SGSM2: variants seen among roughly 807,000 people sequenced by gnomAD.
The protein encoded by SGSM2 is RUN and TBC1 domain containing 1.
A neutral mutation model predicts 126.6 loss-of-function variants in SGSM2; 89 were observed. That is an observed-to-expected ratio of 0.70 (90% CI 0.59 to 0.84). The LOEUF (loss-of-function observed/expected upper bound fraction) is 0.84. Ranked by LOEUF, SGSM2 falls within the 40% of genes least tolerant of loss-of-function variation. SGSM2 has a pLI of 0.00. For synonymous variants in SGSM2, 614 were observed against 574.3 expected (o/e 1.07, Z -0.99); for missense variants, 1,404 against 1,416.6 (o/e 0.99, Z 0.14).
At position 2,373,030 on chromosome 17, in the gene SGSM2, C is replaced by G. The variant is rs1291161115; in HGVS notation, c.1866C>G (p.Pro622=). 3.1e-6 allele frequency: 5 copies of G among 1,607,044 alleles called. No individual in the cohort carries two copies. Among genetic ancestry groups the G allele is most frequent in the Non-Finnish European group, 4.2e-6 (5 of 1,177,122 alleles). ...IEHEIRKDVW[P]FLLGHYKFGM... ...ACGAGATCCGCAAGGACGTCTGGCCCTTTCTGCTTGGCCACTACAAGTTCG... is the reference window on the plus strand; with the variant it reads ...ACGAGATCCGCAAGGACGTCTGGCCGTTTCTGCTTGGCCACTACAAGTTCG... The change falls in exon 16 of 24, where the codon CCC becomes CCG. Residue 622 remains proline (P), a synonymous_variant. Coordinates refer to ENST00000268989, the MANE Select transcript of SGSM2 (RefSeq NM_014853.3).
chr17:2,339,842 C>A (rs61576608), intron 1 of SGSM2, among the ~76,000 whole-genome samples: 70,301 of 151,840 alleles, frequency 0.46, 17,110 homozygotes, highest in East Asian at 0.67. Context: ...TCAGCTTTCC[C>A]GCTTGTGGGA....
chr17:2,372,000 C>A, intron 13 of SGSM2, 190 bp from the exon 14 acceptor site: 1 of 633,668 alleles, frequency 1.6e-6, no homozygotes, highest in East Asian at 2.9e-5. Context: ...CAGGCGGGGG[C>A]CCCACAGCAC....
intron 2 of SGSM2, among the ~76,000 whole-genome samples, chr17:2,357,750 G>A (rs1305064033): frequency 1.3e-5 from 2 of 152,146 alleles, no homozygotes; most frequent in East Asian, 1.9e-4. Context: ...CGCCCACCTC[G>A]CCTCCCAAAG....
chr17:2,363,110 C>T lies in SGSM2; in HGVS notation c.648C>T (p.Ser216=), dbSNP rs745379045. 4 of 1,609,316 alleles carry T rather than the reference C, an allele frequency of 2.5e-6. No homozygotes were observed. In the South Asian group the frequency reaches 4.4e-5, roughly 18 times the overall value. Residue 216 remains serine, a synonymous_variant, in exon 6 of 24, where the codon TCC becomes TCT. Transcript: ENST00000268989. The surrounding 1 kb of genome is among the most constrained non-coding windows in gnomAD (Gnocchi z 4.2). The part of the protein sequence containing the change: ...RIRGPPTRQD[S]PAKRPALGIR... ...GGGGTCCACCTACTCGCCAGGACTC[C>T]CCTGCAAAGCGCCCAGCCCTGGGGG...
Position 2,379,908 on chromosome 17 carries a change from G to A in SGSM2, c.*388G>A. 7.7e-7 allele frequency: 1 copy of A among 1,299,142 alleles called. No homozygotes were observed. The highest frequency in any genetic ancestry group is 9.8e-7 in the Non-Finnish European group (1 of 1,018,890). 80.5% of individuals were successfully genotyped at this position (1,299,142 alleles called of 1,614,324 possible). A position where few individuals can be genotyped will look rare whatever the true frequency, so the allele number is the denominator to read the frequency against. On this transcript the variant is annotated 3_prime_UTR_variant, in exon 24 of 24. Transcript: ENST00000268989. ...GCGGCCTGGGCCCTACTCAGCTGGG[G>A]TGGCAGAGGGCGAGAGGCTCTGTGC...
chr17:2,363,524 CGA>C lies in SGSM2; in HGVS notation c.734_735del (p.Glu245ValfsTer188). ...AGGACAGGCTGGCTGCCTGTGCCCG[CGA>C]GTGTGTGGAGTCCCTGCACCAGAAC... ...SEDRLAACAR[E>X]CVESLHQNSR... On this transcript the variant is annotated frameshift_variant, in exon 7 of 24. Coordinates refer to ENST00000268989, the MANE Select transcript of SGSM2 (RefSeq NM_014853.3). LOFTEE classifies it high-confidence loss of function. The surrounding 1 kb of genome is among the most constrained non-coding windows in gnomAD (Gnocchi z 4.2). 6.2e-7 allele frequency: 1 copy of C among 1,613,430 alleles called. No individual in the cohort carries two copies. Among genetic ancestry groups the C allele is most frequent in the Non-Finnish European group, 8.5e-7 (1 of 1,179,976 alleles).
At position 2,372,089 on chromosome 17, in the gene SGSM2, A is replaced by G. The variant is rs911134465; in HGVS notation, c.1578-101A>G. On this transcript the variant is annotated intron_variant, in intron 13 of 23. Transcript: ENST00000268989. The surrounding 1 kb of genome is among the most constrained non-coding windows in gnomAD (Gnocchi z 6.0). ...GGCTCCTCCTCCTCGCACCCTCCCC[A>G]GTGCCTTACCTGCCCCCCAGGACAG... The G allele has an allele frequency of 4.4e-6, 6 of 1,373,600 alleles. No homozygotes were observed. The African/African-American group carries it at 7.1e-5, about 16-fold the overall frequency. 85.1% of individuals were successfully genotyped at this position (1,373,600 alleles called of 1,614,324 possible). A position where few individuals can be genotyped will look rare whatever the true frequency, so the allele number is the denominator to read the frequency against.
chr17:2,380,002 C>A lies in SGSM2; in HGVS notation c.*482C>A. 1.4e-6 allele frequency: 2 copies of A among 1,389,934 alleles called. No individual in the cohort carries two copies. Among genetic ancestry groups the A allele is most frequent in the South Asian group, 3.3e-5 (2 of 60,718 alleles). 86.1% of individuals were successfully genotyped at this position (1,389,934 alleles called of 1,614,324 possible). A position where few individuals can be genotyped will look rare whatever the true frequency, so the allele number is the denominator to read the frequency against. Reference sequence around the variant, plus strand: ...CGTGCACCAGCCCCAGCTGGAGCAACCAAAACTGCTTCTGGTTTAGGCACA... The same window carrying A: ...CGTGCACCAGCCCCAGCTGGAGCAAACAAAACTGCTTCTGGTTTAGGCACA... On this transcript the variant is annotated 3_prime_UTR_variant, in exon 24 of 24. Coordinates refer to ENST00000268989, the MANE Select transcript of SGSM2 (RefSeq NM_014853.3).
Position 2,367,431 on chromosome 17 carries a change from C to A in SGSM2, c.1423+26C>A. Reference sequence around the variant, plus strand: ...GTTCTTATCCCTCCCTCTCCCTGACCCACCTCATCCCCACCCTCCCTCCCG... The same window carrying A: ...GTTCTTATCCCTCCCTCTCCCTGACACACCTCATCCCCACCCTCCCTCCCG... On this transcript the variant is annotated intron_variant, in intron 12 of 23. Coordinates refer to ENST00000268989, the MANE Select transcript of SGSM2 (RefSeq NM_014853.3). The surrounding 1 kb of genome is among the most constrained non-coding windows in gnomAD (Gnocchi z 4.0). 2.5e-6 allele frequency: 4 copies of A among 1,604,050 alleles called. No homozygotes were observed. Among genetic ancestry groups the A allele is most frequent in the Non-Finnish European group, 3.4e-6 (4 of 1,173,792 alleles).
In SGSM2 at chr17:2,362,222, T is replaced by C. The variant is rs1027817950; in HGVS notation, c.410T>C (p.Ile137Thr). ...LKHVWVRTALIEKVLDKVVQY... is the reference protein window; with the variant it reads ...LKHVWVRTALTEKVLDKVVQY... Reference sequence around the variant, plus strand: ...CACGTATGGGTACGCACGGCGCTCATCGAGAAAGTTCTGGACAAGGTCGTG... The same window carrying C: ...CACGTATGGGTACGCACGGCGCTCACCGAGAAAGTTCTGGACAAGGTCGTG... The change falls in exon 4 of 24, where the codon ATC becomes ACC. Residue 137 changes from isoleucine to threonine, a missense_variant. By Grantham distance (89) the Ile-to-Thr change is moderately conservative. Coordinates refer to ENST00000268989, the MANE Select transcript of SGSM2 (RefSeq NM_014853.3). This position sits in a 1 kb window ranked among gnomAD's most constrained non-coding sequence, Gnocchi z 4.9. 1.9e-6 allele frequency: 3 copies of C among 1,612,718 alleles called. No homozygotes were observed. In the African/African-American group the frequency reaches 4.0e-5, roughly 22 times the overall value.
At position 2,380,101 on chromosome 17, in the gene SGSM2, A is replaced by G. The variant is rs2066348999; in HGVS notation, c.*581A>G. 2.2e-6 allele frequency: 3 copies of G among 1,392,270 alleles called. No individual in the cohort carries two copies. Among genetic ancestry groups the G allele is most frequent in the Admixed American group, 6.4e-5 (2 of 31,472 alleles). 86.2% of individuals were successfully genotyped at this position (1,392,270 alleles called of 1,614,324 possible). ...GGCCGCTCCCCCGAGATTCTGGGGCAGTCGGAAGATGTGGGCCCTGGGTGG... is the reference window on the plus strand; with the variant it reads ...GGCCGCTCCCCCGAGATTCTGGGGCGGTCGGAAGATGTGGGCCCTGGGTGG... On this transcript the variant is annotated 3_prime_UTR_variant, in exon 24 of 24. Coordinates refer to ENST00000268989, the MANE Select transcript of SGSM2 (RefSeq NM_014853.3).
chr17:2,373,370 G>A lies in SGSM2; in HGVS notation c.1957G>A (p.Ala653Thr), dbSNP rs1341383912. Reference protein sequence around the residue: ...VVAARYQQVLAEWKACEVVVR... With the variant: ...VVAARYQQVLTEWKACEVVVR... ...GGCAGCAAGGTACCAGCAGGTGTTG[G>A]CAGAGTGGAAGGCCTGCGAGGTGGT... Residue 653 changes from alanine to threonine, a missense_variant, in exon 17 of 24, where the codon GCA (alanine) becomes ACA (threonine). Transcript: ENST00000268989. 4 of 1,612,958 alleles carry A rather than the reference G, an allele frequency of 2.5e-6. No individual in the cohort carries two copies. The highest frequency in any genetic ancestry group is 2.2e-5 in the East Asian group (1 of 44,840).
intron 2 of SGSM2, among the ~76,000 whole-genome samples, chr17:2,346,246 C>T (rs145022496): frequency 1.6e-3 from 249 of 152,228 alleles, no homozygotes; most frequent in African/African-American, 5.6e-3. Flanking sequence ...ACCAGCCTAG[C>T]GACACCACGG....
At chr17:2,338,025 G>A in intron 1 of SGSM2, among the ~76,000 whole-genome samples, 1 of 152,134 alleles carries the variant, frequency 6.6e-6, no homozygotes, top group East Asian at 1.9e-4. Flanking sequence ...AAGGCCGGGG[G>A]AGGGGTGGCG....
At chr17:2,377,799 G>A (rs572915127) in intron 21 of SGSM2, 58 bp from the exon 22 acceptor site, 26 of 1,152,768 alleles carry the variant, frequency 2.3e-5, no homozygotes, top group Middle Eastern at 4.3e-4. Flanking sequence ...GGTGAGTGGC[G>A]GCCAGAGGCA....
chr17:2,338,193 C>T (rs1290757805), intron 1 of SGSM2, among the ~76,000 whole-genome samples: 1 of 152,148 alleles, frequency 6.6e-6, no homozygotes, highest in Non-Finnish European at 1.5e-5. Flanking sequence ...CTGAGCTCCC[C>T]CTTGTCCGAC....
At chr17:2,344,491 C>G (rs190018284) in intron 2 of SGSM2, among the ~76,000 whole-genome samples, 1 of 152,270 alleles carries the variant, frequency 6.6e-6, no homozygotes, top group East Asian at 1.9e-4. Flanking sequence ...TAGTGTGGCA[C>G]AGCAGATACA....
At chr17:2,375,455 G>C in intron 17 of SGSM2, 37 bp from the exon 18 acceptor site, 1 of 1,570,214 alleles carries the variant, frequency 6.4e-7, no homozygotes, top group Non-Finnish European at 8.6e-7. Context: ...GGAAGGTGCT[G>C]GAGTGCAGGT....
At position 2,350,183 on chromosome 17, in the gene SGSM2, A is replaced by G. The variant is rs534822012; in HGVS notation, c.133+6563A>G. Among the ~76,000 whole-genome samples the G allele has an allele frequency of 6.6e-4, 100 of 151,642 alleles. 1 individual carries two copies. Among genetic ancestry groups the G allele is most frequent in the Non-Finnish European group, 4.0e-4 (27 of 67,920 alleles). On this transcript the variant is annotated intron_variant, in intron 2 of 23. Coordinates refer to ENST00000268989, the MANE Select transcript of SGSM2 (RefSeq NM_014853.3). ...GTGATCCACCTGCCTCGGTCTCCCA[A>G]AGTGCTGGGATTACAGGTGTGAGCC...
Sources: allele counts gnomAD v4.1 joint callset (sites outside exome capture counted in the v4.1 genomes callset), GRCh38; gene constraint gnomAD v4.1.1; non-coding constraint Gnocchi (gnomAD v3.1); transcripts MANE v1.5; gene names NCBI Gene and HGNC (gene_info 2026-07-23, HGNC 2026-07-21).